TUSC3: variants seen among roughly 807,000 people sequenced by gnomAD.
TUSC3 encodes the protein dolichyl-diphosphooligosaccharide--protein glycosyltransferase subunit TUSC3.
TUSC3 carries 45 observed loss-of-function variants against 44.8 expected under a neutral mutation model. The ratio of observed to expected loss-of-function variants is 1.00; its 90% CI spans 0.79 to 1.29. The LOEUF (loss-of-function observed/expected upper bound fraction) is 1.29, where lower values mean the gene tolerates loss of function less well. Among genes scored for constraint, TUSC3 ranks in the 50% most tolerant of loss-of-function variants. TUSC3 has a pLI of 0.00. For missense variants in TUSC3, 519 were observed against 437.9 expected (o/e 1.19, Z -1.65); for synonymous variants, 212 against 152.9 (o/e 1.39, Z -2.85).
At chr8:15,574,620 T>C (rs1297669759) in intron 1 of TUSC3, among the ~76,000 whole-genome samples, 2 of 152,198 alleles carry the variant, frequency 1.3e-5, no homozygotes, top group African/African-American at 2.4e-5. Context: ...GTAATTTTTC[T>C]GATAACTGTC....
rs966892699 is a variant in TUSC3, at chr8:15,712,148, C to T, written c.799-18518C>T. ...ATTTTACAAGTATTGTAAAATATTT[C>T]AAATAAGTAATAGCTTATTTGAAAA... On this transcript the variant is annotated intron_variant, in intron 6 of 10. Transcript: ENST00000503731. 2.6e-5 allele frequency among the ~76,000 whole-genome samples: 4 copies of T among 151,944 alleles called. No individual in the cohort carries two copies. In the East Asian group the frequency reaches 5.8e-4, roughly 22 times the overall value.
At chr8:15,679,367 C>T (rs534135341) in intron 6 of TUSC3, among the ~76,000 whole-genome samples, 2 of 152,012 alleles carry the variant, frequency 1.3e-5, no homozygotes, top group African/African-American at 4.8e-5. Flanking sequence ...TGTTGATGAG[C>T]ATTTTTTCAT....
intron 10 of TUSC3, among the ~76,000 whole-genome samples, chr8:15,762,993 TCAC>T (rs1412224519): frequency 1.3e-5 from 2 of 152,070 alleles, no homozygotes; most frequent in African/African-American, 4.8e-5. Context: ...CATCCTGATA[TCAC>T]CACATCATTT....
At chr8:15,541,401 A>G (rs1466834641) in intron 1 of TUSC3, among the ~76,000 whole-genome samples, 1 of 152,204 alleles carries the variant, frequency 6.6e-6, no homozygotes, top group Non-Finnish European at 1.5e-5. Context: ...ATTGTGGACC[A>G]TTTTGGTGAG....
chr8:15,501,600 C>G (rs773511815), intron 2 of TUSC3, among the ~76,000 whole-genome samples: 2 of 152,142 alleles, frequency 1.3e-5, no homozygotes, highest in African/African-American at 2.4e-5. Flanking sequence ...AAAGAAGAAG[C>G]TACAATGGTT....
At chr8:15,421,555 A>T (rs2129115164) in intron 1 of TUSC3, among the ~76,000 whole-genome samples, 1 of 152,302 alleles carries the variant, frequency 6.6e-6, no homozygotes, top group Admixed American at 6.5e-5. Flanking sequence ...GCCATCTGAA[A>T]CACTGTAAAA....
Position 15,611,683 on chromosome 8 carries a change from A to T in TUSC3, c.139-11397A>T, listed in dbSNP as rs184765300. 3.9e-5 allele frequency among the ~76,000 whole-genome samples: 6 copies of T among 152,198 alleles called. No homozygotes were observed. The East Asian group carries it at 7.7e-4, about 20-fold the overall frequency. On this transcript the variant is annotated intron_variant, in intron 1 of 10. Coordinates refer to ENST00000503731, the MANE Select transcript of TUSC3 (RefSeq NM_006765.4). ...ATTTGTTTAATTTACTGTATAGCTC[A>T]TTGTGGTCTTCTGAGTGCCTTTAAA...
intron 2 of TUSC3, among the ~76,000 whole-genome samples, chr8:15,531,919 G>T (rs1801455716): frequency 6.6e-6 from 1 of 152,148 alleles, no homozygotes; most frequent in Admixed American, 6.5e-5. Context: ...AAAAAGGAAA[G>T]AAACTGTCAT....
chr8:15,698,276 C>G (rs547144681), intron 6 of TUSC3, among the ~76,000 whole-genome samples: 1 of 152,048 alleles, frequency 6.6e-6, no homozygotes, highest in East Asian at 1.9e-4. Context: ...TTATTTCTGC[C>G]AAGAAAAAAA....
the TUSC3 span, among the ~76,000 whole-genome samples, chr8:15,773,893 AAG>A: frequency 1.3e-5 from 2 of 152,194 alleles, no homozygotes; most frequent in African/African-American, 4.8e-5. Flanking sequence ...GTATACATAA[AAG>A]TAACTCAAAA....
intron 1 of TUSC3, among the ~76,000 whole-genome samples, chr8:15,541,819 A>G (rs1402793283): frequency 6.6e-6 from 1 of 151,696 alleles, no homozygotes; most frequent in East Asian, 1.9e-4. Context: ...CGAGAAAGGT[A>G]GAAGAGTGAA....
chr8:15,801,655 AG>A, the TUSC3 span, among the ~76,000 whole-genome samples: 1 of 152,128 alleles, frequency 6.6e-6, no homozygotes, highest in Non-Finnish European at 1.5e-5. Context: ...GAGAAGCATA[AG>A]GATGAAAGCA....
intron 4 of TUSC3, among the ~76,000 whole-genome samples, chr8:15,659,916 C>T (rs1036683992): frequency 2.6e-5 from 4 of 151,934 alleles, no homozygotes; most frequent in African/African-American, 4.8e-5. Flanking sequence ...ACGTTTAAAA[C>T]GTTTCAGTGG....
chr8:15,790,179 C>CTTTTTTT, the TUSC3 span, among the ~76,000 whole-genome samples: 87 of 72,248 alleles, frequency 1.2e-3, 1 homozygote, highest in African/African-American at 1.6e-3. Flanking sequence ...TTGTTAAGGC[C>CTTTTTTT]TTTTTTTTTT....
intron 2 of TUSC3, among the ~76,000 whole-genome samples, chr8:15,533,943 G>A (rs1801484730): frequency 6.6e-6 from 1 of 152,142 alleles, no homozygotes; most frequent in Non-Finnish European, 1.5e-5. Context: ...GTCATTTGTG[G>A]TTTATGGTGA....
chr8:15,482,329 G>A (rs540422699), intron 1 of TUSC3, among the ~76,000 whole-genome samples: 64 of 152,254 alleles, frequency 4.2e-4, no homozygotes, highest in African/African-American at 1.5e-3. Context: ...ATACTATTGT[G>A]ATTTCCTTTC....
intron 2 of TUSC3, among the ~76,000 whole-genome samples, chr8:15,520,816 C>T (rs115763597): frequency 6.6e-6 from 1 of 152,124 alleles, no homozygotes; most frequent in Non-Finnish European, 1.5e-5. Flanking sequence ...TGTTCTAGTT[C>T]AAGGGGATGC....
chr8:15,447,056 A>G (rs1800114927), intron 1 of TUSC3, among the ~76,000 whole-genome samples: 1 of 152,092 alleles, frequency 6.6e-6, no homozygotes, highest in South Asian at 2.1e-4. Context: ...TGCAGAAGAA[A>G]AAAAAAATAG....
In TUSC3 at chr8:15,592,087, C is replaced by T. The variant is rs374332864; in HGVS notation, c.139-30993C>T. Among the ~76,000 whole-genome samples, 30 of 152,192 alleles carry T rather than the reference C, an allele frequency of 2.0e-4. 1 individual carries two copies. The highest frequency in any genetic ancestry group is 9.2e-4 in the Admixed American group (14 of 15,286). ...AAGAGAAGGAAAGTTATTCATTGGACTTGGAGATGTAGAAGATGAGGAAGG... is the reference window on the plus strand; with the variant it reads ...AAGAGAAGGAAAGTTATTCATTGGATTTGGAGATGTAGAAGATGAGGAAGG... On this transcript the variant is annotated intron_variant, in intron 1 of 10. Coordinates refer to ENST00000503731, the MANE Select transcript of TUSC3 (RefSeq NM_006765.4).
Sources: allele counts gnomAD v4.1 joint callset (sites outside exome capture counted in the v4.1 genomes callset), GRCh38; gene constraint gnomAD v4.1.1; transcripts MANE v1.5; gene names NCBI Gene and HGNC (gene_info 2026-07-23, HGNC 2026-07-21).